COPS4: variants seen among roughly 807,000 people sequenced by gnomAD.
The protein encoded by COPS4 is COP9 signalosome subunit 4.
A neutral mutation model predicts 55.1 loss-of-function variants in COPS4; 8 were observed. The ratio of observed to expected loss-of-function variants is 0.15; its 90% CI spans 0.09 to 0.26. The LOEUF (loss-of-function observed/expected upper bound fraction) is 0.26, where lower values mean the gene tolerates loss of function less well. Ranked by LOEUF, COPS4 falls within the 10% of genes least tolerant of loss-of-function variation. The pLI is 1.00. For synonymous variants in COPS4, 185 were observed against 165.7 expected (o/e 1.12, Z -0.90); for missense variants, 248 against 484.0 (o/e 0.51, Z 4.58).
At chr4:83,036,724 ATAAGT>A (rs1208905622) in intron 1 of COPS4, among the ~76,000 whole-genome samples, 1 of 151,710 alleles carries the variant, frequency 6.6e-6, no homozygotes, top group Non-Finnish European at 1.5e-5. Flanking sequence ...TGGGTTGGAA[ATAAGT>A]TAAATATGTC....
intron 4 of COPS4, among the ~76,000 whole-genome samples, chr4:83,054,591 C>G (rs138920278): frequency 6.6e-5 from 10 of 152,134 alleles, no homozygotes; most frequent in Middle Eastern, 3.4e-3. Context: ...TTTCAAGGTC[C>G]CTTGATAATT....
At chr4:83,056,721 C>T (rs971256055) in intron 4 of COPS4, among the ~76,000 whole-genome samples, 1 of 152,148 alleles carries the variant, frequency 6.6e-6, no homozygotes, top group African/African-American at 2.4e-5. Context: ...ATGGCGTGAA[C>T]CCGGGAGGGG....
intron 1 of COPS4, among the ~76,000 whole-genome samples, chr4:83,036,536 T>C (rs1015093610): frequency 7.9e-5 from 12 of 152,124 alleles, no homozygotes; most frequent in Non-Finnish European, 1.6e-4. Context: ...CTCAGGAAAA[T>C]GAAGATAATA....
chr4:83,045,271 A>C (rs1730677926), intron 1 of COPS4, among the ~76,000 whole-genome samples: 1 of 152,218 alleles, frequency 6.6e-6, no homozygotes, highest in South Asian at 2.1e-4. Flanking sequence ...ATTTGAAAGG[A>C]AATTGACTTT....
intron 4 of COPS4, among the ~76,000 whole-genome samples, chr4:83,052,153 G>A (rs1730903222): frequency 6.6e-6 from 1 of 152,210 alleles, no homozygotes; most frequent in Non-Finnish European, 1.5e-5. Context: ...GAGATAGTGA[G>A]TATGGGCTAC....
rs1172322703 is a variant in COPS4 at position 83,036,255 on chromosome 4, G to T, written c.74+957G>T. 6.2e-5 allele frequency among the ~76,000 whole-genome samples: 3 copies of T among 48,318 alleles called. No individual in the cohort carries two copies. The Admixed American group carries it at 7.0e-4, about 11-fold the overall frequency. The allele number at this position is 48,318 out of a possible 152,430, so 31.7% of individuals were successfully genotyped here. ...TCTAGACCAGCCTGGGCAACATAGT[G>T]AGACCCCCCCCCCCGCCGCCACCCG... is the stretch of plus-strand genomic sequence containing the variant. On this transcript the variant is annotated intron_variant, in intron 1 of 9. Coordinates refer to ENST00000264389, the MANE Select transcript of COPS4 (RefSeq NM_016129.3).
At chr4:83,043,891 G>A (rs1373941952) in intron 1 of COPS4, among the ~76,000 whole-genome samples, 1 of 151,924 alleles carries the variant, frequency 6.6e-6, no homozygotes. Context: ...TTTTCTATCC[G>A]TATATCTGCT....
intron 1 of COPS4, among the ~76,000 whole-genome samples, chr4:83,043,446 G>A (rs573351193): frequency 7.4e-6 from 1 of 136,010 alleles, no homozygotes; most frequent in East Asian, 2.3e-4. Context: ...TTGAGCCCAG[G>A]AATTGGAGGT....
At chr4:83,068,957 G>A (rs762660343) in intron 9 of COPS4, among the ~76,000 whole-genome samples, 55 of 125,844 alleles carry the variant, frequency 4.4e-4, no homozygotes, top group Admixed American at 1.4e-3. Flanking sequence ...GTGACAAAGC[G>A]AGACTCTGTC....
intron 4 of COPS4, among the ~76,000 whole-genome samples, chr4:83,052,876 C>T (rs1325028104): frequency 2.6e-5 from 4 of 152,182 alleles, no homozygotes; most frequent in African/African-American, 9.7e-5. Flanking sequence ...TGTGAGCCAC[C>T]ATGCCCAGCC....
At chr4:83,073,476 A>G (rs772012170) in intron 9 of COPS4, 18 of 401,494 alleles carry the variant, frequency 4.5e-5, no homozygotes, top group Admixed American at 8.7e-5. Flanking sequence ...CAATTTTTTT[A>G]TGTTAACTTT....
intron 1 of COPS4, among the ~76,000 whole-genome samples, chr4:83,041,364 A>G (rs143600215): frequency 2.9e-4 from 44 of 151,980 alleles, no homozygotes; most frequent in African/African-American, 1.0e-3. Flanking sequence ...CGCCCGGCCA[A>G]ATTTTTTTAA....
In COPS4 at chr4:83,066,429, A is replaced by G. The variant is rs532740965; in HGVS notation, c.887-9A>G. ...TTTCAAACTTGTAACTGTCTTATTT[A>G]TGTTTAAGGTTCCAGCATCTTGGAC... On this transcript the variant is annotated splice_polypyrimidine_tract_variant and intron_variant, in intron 7 of 9. Transcript: ENST00000264389. 3 of 1,404,694 alleles carry G rather than the reference A, an allele frequency of 2.1e-6. No homozygotes were observed. In the South Asian group the frequency reaches 4.0e-5, roughly 19 times the overall value. 87.0% of individuals were successfully genotyped at this position (1,404,694 alleles called of 1,614,324 possible). A position where few individuals can be genotyped will look rare whatever the true frequency, so the allele number is the denominator to read the frequency against.
chr4:83,071,723 T>C (rs551767248), intron 9 of COPS4, among the ~76,000 whole-genome samples: 1 of 152,138 alleles, frequency 6.6e-6, no homozygotes, highest in African/African-American at 2.4e-5. Context: ...CTGGCTTTTT[T>C]TTTTTTGAGA....
chr4:83,065,190 A>T (rs974957197), intron 7 of COPS4: 6 of 462,038 alleles, frequency 1.3e-5, no homozygotes, highest in Non-Finnish European at 7.7e-6. Flanking sequence ...TTTTGAACAT[A>T]TTAAATTTGA....
At chr4:83,055,002 A>G (rs1730980863) in intron 4 of COPS4, among the ~76,000 whole-genome samples, 1 of 152,260 alleles carries the variant, frequency 6.6e-6, no homozygotes, top group Non-Finnish European at 1.5e-5. Flanking sequence ...TGTGAATGGA[A>G]AAAAGTACAG....
chr4:83,065,097 A>G, intron 7 of COPS4: 1 of 676,552 alleles, frequency 1.5e-6, no homozygotes, highest in Non-Finnish European at 2.7e-6. Flanking sequence ...CTGGTCTTGA[A>G]CTCCTGGGCT....
At chr4:83,073,354 G>T in intron 9 of COPS4, 3 of 645,498 alleles carry the variant, frequency 4.6e-6, no homozygotes, top group Non-Finnish European at 8.6e-6. Context: ...GTCATGGCAG[G>T]TAATCAGTGC....
chr4:83,045,678 G>C lies in COPS4; in HGVS notation c.127G>C (p.Glu43Gln), dbSNP rs1162756792. ...AIQLSGAEQL[E>Q]ALKAFVEAMV... is the part of the protein sequence containing the mutation. ...TCAGTTATCTGGAGCAGAACAACTA[G>C]AAGCTTTGAAAGCTTTTGTGGAAGC... Residue 43 changes from glutamate to glutamine, a missense_variant, in exon 2 of 10, where the codon GAA (glutamate) becomes CAA (glutamine). By Grantham distance (29) the Glu-to-Gln change is conservative. Coordinates refer to ENST00000264389, the MANE Select transcript of COPS4 (RefSeq NM_016129.3). 1 of 1,612,766 alleles carries C rather than the reference G, an allele frequency of 6.2e-7. No individual in the cohort carries two copies. The highest frequency in any genetic ancestry group is 8.5e-7 in the Non-Finnish European group (1 of 1,179,212).
Sources: gnomAD v4.1 joint callset for allele counts (sites outside exome capture counted in the v4.1 genomes callset) on GRCh38, gnomAD v4.1.1 for gene constraint, MANE v1.5 for transcripts, NCBI Gene and HGNC (gene_info 2026-07-23, HGNC 2026-07-21) for gene names.